The following KCNK9 variants were observed in gnomAD, a reference collection of about 807,000 sequenced individuals.
KCNK9 encodes the protein potassium two pore domain channel subfamily K member 9.
In KCNK9, 1 loss-of-function variant was observed where a neutral mutation model predicts 10.8. The ratio of observed to expected loss-of-function variants is 0.09; its 90% CI spans 0.03 to 0.44. The LOEUF (loss-of-function observed/expected upper bound fraction) is 0.44. KCNK9 is among the 20% of genes least tolerant of loss of function. The pLI, the probability that KCNK9 is intolerant of heterozygous loss-of-function variation, is 0.97. For missense variants in KCNK9, 303 were observed against 515.0 expected (o/e 0.59, Z 3.98); for synonymous variants, 231 against 222.7 (o/e 1.04, Z -0.33).
chr8:139,671,919 C>T (rs1449779822), intron 1 of KCNK9, among the ~76,000 whole-genome samples: 2 of 152,172 alleles, frequency 1.3e-5, no homozygotes, highest in Non-Finnish European at 2.9e-5. Context: ...GGAGCACCAC[C>T]GGCCCCCACC....
chr8:139,605,478 T>A (rs1192123975), intron 2 of KCNK9, among the ~76,000 whole-genome samples: 3 of 152,164 alleles, frequency 2.0e-5, no homozygotes, highest in Non-Finnish European at 2.9e-5. Flanking sequence ...TAGGCCTGTC[T>A]ACAATGAGGA....
intron 1 of KCNK9, among the ~76,000 whole-genome samples, chr8:139,667,052 A>G (rs763915269): frequency 2.6e-5 from 4 of 152,236 alleles, no homozygotes; most frequent in African/African-American, 4.8e-5. Flanking sequence ...GGGCTCCCAC[A>G]GGGCTTGGTG....
downstream of KCNK9, among the ~76,000 whole-genome samples, chr8:139,611,071 C>T (rs192666914): frequency 9.7e-4 from 148 of 152,350 alleles, 2 homozygotes; most frequent in African/African-American, 3.3e-3. Flanking sequence ...GTTCCTCAAC[C>T]AGACTTGATC....
intron 1 of KCNK9, among the ~76,000 whole-genome samples, chr8:139,689,149 A>T (rs1816881889): frequency 6.6e-6 from 1 of 152,176 alleles, no homozygotes; most frequent in Non-Finnish European, 1.5e-5. Context: ...CGAAGAAATC[A>T]ACCTGCTGAC....
intron 1 of KCNK9, among the ~76,000 whole-genome samples, chr8:139,631,103 G>T (rs908840339): frequency 6.6e-6 from 1 of 152,228 alleles, no homozygotes; most frequent in Non-Finnish European, 1.5e-5. Context: ...GGGGTCGGCC[G>T]CCCACGTTTT....
intron 1 of KCNK9, among the ~76,000 whole-genome samples, chr8:139,664,520 C>A (rs144009835): frequency 1.3e-5 from 2 of 152,084 alleles, no homozygotes; most frequent in African/African-American, 4.8e-5. Context: ...AAACTCAAGC[C>A]CCCCAACAAA....
chr8:139,619,471 G>C (rs1371637845), intron 1 of KCNK9, among the ~76,000 whole-genome samples: 1 of 152,062 alleles, frequency 6.6e-6, no homozygotes, highest in Non-Finnish European at 1.5e-5. Context: ...GCTTTAAAAA[G>C]AAAAAAGCAG....
chr8:139,632,169 G>A lies in KCNK9; in HGVS notation c.284-13070C>T, dbSNP rs28542253. 3.6e-3 allele frequency among the ~76,000 whole-genome samples: 544 copies of A among 152,338 alleles called. 1 individual carries two copies. Among genetic ancestry groups the A allele is most frequent in the African/African-American group, 0.012 (500 of 41,580 alleles). On this transcript the variant is annotated intron_variant, in intron 1 of 1. Transcript: ENST00000520439. ...CCGCAACGCCCATTCTGCATGGGAGGTAGGGGGCTGGGGCCTCTGCATTTC... is the reference window on the plus strand; with the variant it reads ...CCGCAACGCCCATTCTGCATGGGAGATAGGGGGCTGGGGCCTCTGCATTTC...
intron 1 of KCNK9, among the ~76,000 whole-genome samples, chr8:139,673,327 A>G (rs892815783): frequency 6.6e-6 from 1 of 152,224 alleles, no homozygotes; most frequent in Admixed American, 6.5e-5. Flanking sequence ...ATTGAGTTGC[A>G]GAGTTTAAAT....
chr8:139,606,686 G>A (rs943112155), intron 2 of KCNK9, among the ~76,000 whole-genome samples: 1 of 152,102 alleles, frequency 6.6e-6, no homozygotes, highest in Non-Finnish European at 1.5e-5. Context: ...TGGCCTGCTG[G>A]GAATGGACTG....
intron 1 of KCNK9, among the ~76,000 whole-genome samples, chr8:139,619,807 A>G (rs3780072): frequency 0.044 from 6,733 of 152,326 alleles, 271 homozygotes; most frequent in East Asian, 0.22. Context: ...TGAGATGTAA[A>G]TGCCACAAAT....
intron 1 of KCNK9, among the ~76,000 whole-genome samples, chr8:139,659,019 C>CA (rs1469658350): frequency 2.1e-5 from 2 of 95,146 alleles, no homozygotes; most frequent in African/African-American, 1.9e-4. Flanking sequence ...GAGTGTGAAG[C>CA]AAAAATTCAA....
intron 2 of KCNK9, among the ~76,000 whole-genome samples, chr8:139,601,832 T>G (rs1817377492): frequency 6.6e-6 from 1 of 152,172 alleles, no homozygotes; most frequent in Admixed American, 6.5e-5. Context: ...AGCCAGTCAT[T>G]AACTCAGATA....
intron 1 of KCNK9, among the ~76,000 whole-genome samples, chr8:139,654,949 T>C (rs901206121): frequency 6.6e-6 from 1 of 151,670 alleles, no homozygotes; most frequent in African/African-American, 2.4e-5. Context: ...AATGGAAAGA[T>C]GGGTGACGGA....
chr8:139,664,546 T>C (rs1816249763), intron 1 of KCNK9, among the ~76,000 whole-genome samples: 1 of 151,984 alleles, frequency 6.6e-6, no homozygotes, highest in African/African-American at 2.4e-5. Flanking sequence ...TTTCACCGAA[T>C]TGAGAATCCA....
intron 1 of KCNK9, among the ~76,000 whole-genome samples, chr8:139,660,477 G>A (rs80085835): frequency 0.17 from 24,961 of 143,706 alleles, 3,504 homozygotes; most frequent in East Asian, 0.67. Flanking sequence ...TATATTAGCC[G>A]GGCAGTGGTG....
In KCNK9 at chr8:139,666,331, C is replaced by T. The variant is rs116018832; in HGVS notation, c.283+36379G>A. On this transcript the variant is annotated intron_variant, in intron 1 of 1. Transcript: ENST00000520439. ...GGTAAGACAATATGCAATCCCATTA[C>T]CATGTACTAAGCACGGCGCTATGTC... 6.3e-3 allele frequency among the ~76,000 whole-genome samples: 965 copies of T among 152,336 alleles called. 9 individuals carry two copies. Among genetic ancestry groups the T allele is most frequent in the African/African-American group, 0.022 (919 of 41,574 alleles).
At chr8:139,651,130 G>C (rs973809465) in intron 1 of KCNK9, among the ~76,000 whole-genome samples, 23 of 152,152 alleles carry the variant, frequency 1.5e-4, no homozygotes, top group African/African-American at 5.3e-4. Context: ...ATCCCCTTCT[G>C]CTTCTTCCCA....
intron 1 of KCNK9, among the ~76,000 whole-genome samples, chr8:139,641,633 C>CCCT (rs901802379): frequency 6.8e-5 from 1 of 14,810 alleles, no homozygotes; most frequent in African/African-American, 2.0e-4. Flanking sequence ...CTGGCCTGCC[C>CCCT]CCCCCCCGCA....
Sources: allele counts gnomAD v4.1 joint callset (sites outside exome capture counted in the v4.1 genomes callset), GRCh38; gene constraint gnomAD v4.1.1; transcripts MANE v1.5; gene names NCBI Gene and HGNC (gene_info 2026-07-23, HGNC 2026-07-21).